Variants in SLC6A18 observed in about 807,000 individuals in gnomAD.
SLC6A18 encodes the protein inactive sodium-dependent neutral amino acid transporter B(0)AT3.
In SLC6A18, 58 loss-of-function variants were observed where a neutral mutation model predicts 62.9. That is an observed-to-expected ratio of 0.92 (90% CI 0.75 to 1.15). The LOEUF (loss-of-function observed/expected upper bound fraction) is 1.15. Among genes scored for constraint, SLC6A18 ranks in the 50% most tolerant of loss-of-function variants. SLC6A18 has a pLI of 0.00. For synonymous variants in SLC6A18, 382 were observed against 365.8 expected, an observed-to-expected ratio of 1.04 and a Z score of -0.51; for missense variants, 793 against 836.6, an observed-to-expected ratio of 0.95 and a Z score of 0.64.
At chr5:1,228,427 C>T (rs1325201622) in intron 1 of SLC6A18, among the ~76,000 whole-genome samples, 1 of 152,200 alleles carries the variant, frequency 6.6e-6, no homozygotes, top group Admixed American at 6.5e-5. Context: ...TCTCAGCAAT[C>T]CCTGGCTTTT....
chr5:1,226,681 G>A (rs1348684399), intron 1 of SLC6A18, among the ~76,000 whole-genome samples: 2 of 152,208 alleles, frequency 1.3e-5, no homozygotes. Flanking sequence ...CTTTGGGGCT[G>A]GAGAGGGTGC....
chr5:1,232,189 G>A (rs1746746708), intron 1 of SLC6A18, 30 bp from the exon 2 acceptor site: 1 of 1,598,814 alleles, frequency 6.3e-7, no homozygotes, highest in Non-Finnish European at 8.5e-7. Flanking sequence ...CCCCGACCCT[G>A]GGCAGGTGCT....
chr5:1,227,327 C>G (rs1746610689), intron 1 of SLC6A18, among the ~76,000 whole-genome samples: 1 of 152,254 alleles, frequency 6.6e-6, no homozygotes, highest in Non-Finnish European at 1.5e-5. Context: ...GGGAGAACAG[C>G]CCTGCCCGCC....
At chr5:1,226,881 G>A (rs1466276938) in intron 1 of SLC6A18, among the ~76,000 whole-genome samples, 1 of 152,212 alleles carries the variant, frequency 6.6e-6, no homozygotes, top group Non-Finnish European at 1.5e-5. Context: ...GGAAATGCCG[G>A]CCAACGCTTT....
At chr5:1,244,858 G>A (rs1300629153) in intron 11 of SLC6A18, 91 bp downstream of exon 11, 11 of 1,415,938 alleles carry the variant, frequency 7.8e-6, no homozygotes, top group Non-Finnish European at 1.1e-5. Flanking sequence ...GACGACCCAT[G>A]CGGTGCACAT....
chr5:1,232,932 G>T, intron 3 of SLC6A18, 44 bp downstream of exon 3: 1 of 1,574,388 alleles, frequency 6.4e-7, no homozygotes. Flanking sequence ...GCACGGCCGA[G>T]AGAGGCATGT....
chr5:1,234,652 G>A (rs1490913979), intron 3 of SLC6A18, among the ~76,000 whole-genome samples: 1 of 152,230 alleles, frequency 6.6e-6, no homozygotes, highest in Non-Finnish European at 1.5e-5. Context: ...CTCCACTGAA[G>A]GAAAATTTCC....
chr5:1,225,512 G>C lies in SLC6A18; in HGVS notation c.35G>C (p.Cys12Ser), dbSNP rs763340335. ...AHAPEPDPAA[C>S]DLGDERPKWD... ...GCCCCAGAACCGGACCCGGCCGCCT[G>C]CGACCTCGGGGATGAGAGGCCCAAG... Residue 12 changes from cysteine (C) to serine (S), a missense_variant, in exon 1 of 12, where the codon TGC (cysteine) becomes TCC (serine). Cys to Ser is a moderately radical substitution (Grantham distance 112). Transcript: ENST00000324642. 6.2e-7 allele frequency: 1 copy of C among 1,613,426 alleles called. No individual in the cohort carries two copies. Among genetic ancestry groups the C allele is most frequent in the Non-Finnish European group, 8.5e-7 (1 of 1,179,574 alleles).
At chr5:1,235,339 C>T in intron 3 of SLC6A18, 142 bp from the exon 4 acceptor site, 1 of 727,740 alleles carries the variant, frequency 1.4e-6, no homozygotes, top group Admixed American at 2.9e-5. Flanking sequence ...TCCATCTCAG[C>T]CCTGGGCCCA....
At chr5:1,237,816 C>A in intron 4 of SLC6A18, 134 bp from the exon 5 acceptor site, 1 of 671,396 alleles carries the variant, frequency 1.5e-6, no homozygotes, top group Non-Finnish European at 2.6e-6. Flanking sequence ...CACCCCCATC[C>A]GTCCTGGTCA....
chr5:1,226,871 G>A (rs1369356405), intron 1 of SLC6A18, among the ~76,000 whole-genome samples: 1 of 152,218 alleles, frequency 6.6e-6, no homozygotes, highest in African/African-American at 2.4e-5. Context: ...ACGCAGAGCT[G>A]GAAATGCCGG....
rs112365454 is a variant in SLC6A18, at chr5:1,225,779, G to T, written c.160+142G>T. 2.0e-5 allele frequency: 20 copies of T among 1,025,342 alleles called. No individual in the cohort carries two copies. In the African/African-American group the frequency reaches 2.7e-4, roughly 14 times the overall value. 63.5% of individuals were successfully genotyped at this position (1,025,342 alleles called of 1,614,324 possible). On this transcript the variant is annotated intron_variant, in intron 1 of 11. Coordinates refer to ENST00000324642, the MANE Select transcript of SLC6A18 (RefSeq NM_182632.3). ...AAACCAGGGTGCACCATTGCCCACG[G>T]CAGAGTCAGTCCCCTCAGGGCCCAC... is the stretch of plus-strand genomic sequence containing the variant.
intron 4 of SLC6A18, 79 bp from the exon 5 acceptor site, chr5:1,237,871 G>A (rs2126535757): frequency 8.7e-7 from 1 of 1,150,242 alleles, no homozygotes; most frequent in South Asian, 1.3e-5. Context: ...GGCGGTGTCT[G>A]GAGCCTGCCT....
intron 4 of SLC6A18, among the ~76,000 whole-genome samples, chr5:1,237,202 T>C (rs898733878): frequency 2.1e-5 from 3 of 142,866 alleles, no homozygotes; most frequent in Non-Finnish European, 3.0e-5. Flanking sequence ...GATTGGGCCA[T>C]TGCACTCCAG....
At chr5:1,240,733 A>C (rs6554684) in intron 7 of SLC6A18, 74 bp downstream of exon 7, 1,207,878 of 1,589,982 alleles carry the variant, frequency 0.76, 465,273 homozygotes, top group African/African-American at 0.94. Flanking sequence ...GAGAATCCCA[A>C]GGCATGAGGA....
At chr5:1,229,783 G>A (rs1168716601) in intron 1 of SLC6A18, among the ~76,000 whole-genome samples, 4 of 151,834 alleles carry the variant, frequency 2.6e-5, no homozygotes, top group African/African-American at 9.7e-5. Flanking sequence ...CAGGCTGGGG[G>A]TGGGGGGAAG....
chr5:1,229,937 G>T (rs962300423), intron 1 of SLC6A18, among the ~76,000 whole-genome samples: 1 of 131,102 alleles, frequency 7.6e-6, no homozygotes, highest in Non-Finnish European at 1.7e-5. Flanking sequence ...GTGCAGGCTG[G>T]AGGGGAGGGA....
chr5:1,225,576 G>C lies in SLC6A18; in HGVS notation c.99G>C (p.Gly33=). The change falls in exon 1 of 12, where the codon GGG becomes GGC. Residue 33 remains glycine (G), a synonymous_variant. Coordinates refer to ENST00000324642, the MANE Select transcript of SLC6A18 (RefSeq NM_182632.3). The part of the protein sequence containing the change: ...NKAQYLLSCT[G]FAVGLGNIWR... ...CCCAGTACCTCCTGAGCTGCACTGGGTTTGCCGTGGGACTGGGGAACATTT... is the reference window on the plus strand; with the variant it reads ...CCCAGTACCTCCTGAGCTGCACTGGCTTTGCCGTGGGACTGGGGAACATTT... 1.2e-6 allele frequency: 2 copies of C among 1,611,270 alleles called. No individual in the cohort carries two copies. Among genetic ancestry groups the C allele is most frequent in the Non-Finnish European group, 1.7e-6 (2 of 1,178,370 alleles).
In SLC6A18 at chr5:1,244,654, T is replaced by C. The variant is rs909621450; in HGVS notation, c.1543T>C (p.Tyr515His). 1.9e-6 allele frequency: 3 copies of C among 1,611,006 alleles called. No homozygotes were observed. Among genetic ancestry groups the C allele is most frequent in the Non-Finnish European group, 8.5e-7 (1 of 1,177,624 alleles). Residue 515 changes from tyrosine (Y) to histidine (H), a missense_variant, in exon 11 of 12, where the codon TAC becomes CAC. Coordinates refer to ENST00000324642, the MANE Select transcript of SLC6A18 (RefSeq NM_182632.3). ...GATGACCGGGAGGCGGCCCAGCCCCTACTGGCGGCTGACCTGGAGGGTGGT... is the reference window on the plus strand; with the variant it reads ...GATGACCGGGAGGCGGCCCAGCCCCCACTGGCGGCTGACCTGGAGGGTGGT... Reference protein sequence around the residue: ...AWMTGRRPSPYWRLTWRVVSP... With the variant: ...AWMTGRRPSPHWRLTWRVVSP...
Sources: gnomAD v4.1 joint callset for allele counts (sites outside exome capture counted in the v4.1 genomes callset) on GRCh38, gnomAD v4.1.1 for gene constraint, MANE v1.5 for transcripts, NCBI Gene and HGNC (gene_info 2026-07-23, HGNC 2026-07-21) for gene names.